SDK1: variants seen among roughly 807,000 people sequenced by gnomAD.
The protein encoded by SDK1 is sidekick cell adhesion molecule 1.
SDK1 carries 157 observed loss-of-function variants against 245.5 expected under a neutral mutation model. The ratio of observed to expected loss-of-function variants is 0.64; its 90% CI spans 0.56 to 0.73. The LOEUF is 0.73. SDK1 is among the 30% of genes least tolerant of loss of function. SDK1 has a pLI of 0.00. For missense variants in SDK1, 3,583 were observed against 3,002.3 expected (o/e 1.19, Z -4.52); for synonymous variants, 1,647 against 1,278.5 (o/e 1.29, Z -6.15).
intron 5 of SDK1, among the ~76,000 whole-genome samples, chr7:3,899,757 T>C (rs1313499643): frequency 6.6e-6 from 1 of 152,218 alleles, no homozygotes; most frequent in African/African-American, 2.4e-5. Flanking sequence ...CCAGATGTCC[T>C]TGCCCACCCT....
chr7:3,568,262 C>A (rs935425616), intron 1 of SDK1, among the ~76,000 whole-genome samples: 18 of 152,130 alleles, frequency 1.2e-4, no homozygotes, highest in African/African-American at 4.1e-4. Flanking sequence ...ACTTCATATG[C>A]ATTTAATTGT....
At chr7:3,604,188 T>G (rs1055098888) in intron 1 of SDK1, among the ~76,000 whole-genome samples, 5 of 152,190 alleles carry the variant, frequency 3.3e-5, no homozygotes, top group Admixed American at 6.5e-5. Context: ...CAGGATGATG[T>G]TGGCCTCATA....
At chr7:3,780,502 C>G (rs990930327) in intron 4 of SDK1, among the ~76,000 whole-genome samples, 1 of 152,178 alleles carries the variant, frequency 6.6e-6, no homozygotes, top group Non-Finnish European at 1.5e-5. Flanking sequence ...CTTCATAACC[C>G]ACATTTAAAG....
At chr7:3,971,694 A>G (rs1782500732) in intron 12 of SDK1, 126 bp downstream of exon 12, 5 of 729,088 alleles carry the variant, frequency 6.9e-6, no homozygotes, top group African/African-American at 5.2e-5. Flanking sequence ...TGATTACGGT[A>G]TCTTCTGGTT....
chr7:4,002,737 A>G (rs1785165439), intron 14 of SDK1, among the ~76,000 whole-genome samples: 1 of 152,232 alleles, frequency 6.6e-6, no homozygotes, highest in Admixed American at 6.5e-5. Flanking sequence ...TTTAAGGTGG[A>G]AAAAAATCTG....
chr7:4,241,364 G>T lies in SDK1; in HGVS notation c.6131-429G>T, dbSNP rs539723705. On this transcript the variant is annotated intron_variant, in intron 42 of 44. Coordinates refer to ENST00000404826, the MANE Select transcript of SDK1 (RefSeq NM_152744.4). ...GTGTATGCATTCTTGGCCAGGTGCA[G>T]TGGCTCACGCTTGCCATCCCAGCAC... Among the ~76,000 whole-genome samples the T allele has an allele frequency of 3.9e-5, 6 of 152,284 alleles. No individual in the cohort carries two copies. The East Asian group carries it at 9.7e-4, about 24-fold the overall frequency.
At chr7:4,060,902 C>T (rs1779496140) in intron 19 of SDK1, among the ~76,000 whole-genome samples, 2 of 151,620 alleles carry the variant, frequency 1.3e-5, no homozygotes, top group Non-Finnish European at 2.9e-5. Flanking sequence ...ATAGGGAATC[C>T]TTTACCCATT....
intron 4 of SDK1, among the ~76,000 whole-genome samples, chr7:3,662,354 T>C (rs1279124813): frequency 1.3e-5 from 2 of 152,152 alleles, no homozygotes; most frequent in African/African-American, 4.8e-5. Context: ...AGCATGAGCA[T>C]TTTTCACAGC....
chr7:3,443,145 A>G (rs1780245509), intron 1 of SDK1, among the ~76,000 whole-genome samples: 1 of 151,832 alleles, frequency 6.6e-6, no homozygotes, highest in South Asian at 2.1e-4. Context: ...AGTTCAAGAT[A>G]TTTTATGTTC....
At chr7:3,746,718 T>G (rs1376764135) in intron 4 of SDK1, among the ~76,000 whole-genome samples, 1 of 152,250 alleles carries the variant, frequency 6.6e-6, no homozygotes, top group Non-Finnish European at 1.5e-5. Context: ...CAGTCATGTC[T>G]TCAGACTCCA....
chr7:3,363,311 T>A (rs1396462938), intron 1 of SDK1, among the ~76,000 whole-genome samples: 1 of 151,100 alleles, frequency 6.6e-6, no homozygotes, highest in East Asian at 1.9e-4. Context: ...TCATTTCTTT[T>A]TTATTAAGTA....
intron 5 of SDK1, among the ~76,000 whole-genome samples, chr7:3,902,091 T>G (rs1206593641): frequency 6.6e-6 from 1 of 152,202 alleles, no homozygotes; most frequent in South Asian, 2.1e-4. Flanking sequence ...TTTGGTGCCT[T>G]TGAGTGCAAT....
intron 17 of SDK1, among the ~76,000 whole-genome samples, chr7:4,029,879 AAC>A (rs1322501654): frequency 1.3e-5 from 2 of 152,242 alleles, no homozygotes; most frequent in Non-Finnish European, 2.9e-5. Context: ...GGTTGGAATC[AAC>A]ACACTGAAAT....
chr7:3,991,321 T>C (rs1434960850), intron 14 of SDK1, among the ~76,000 whole-genome samples: 3 of 152,004 alleles, frequency 2.0e-5, no homozygotes, highest in South Asian at 4.2e-4. Flanking sequence ...TCTTCCTCCT[T>C]CTTGGTGGCT....
At chr7:3,991,600 AC>A (rs887192671) in intron 14 of SDK1, among the ~76,000 whole-genome samples, 1 of 152,134 alleles carries the variant, frequency 6.6e-6, no homozygotes, top group African/African-American at 2.4e-5. Context: ...TCAGAAGGGG[AC>A]AGAGAACGTC....
intron 1 of SDK1, among the ~76,000 whole-genome samples, chr7:3,389,764 C>A (rs1181470528): frequency 5.3e-5 from 8 of 149,762 alleles, no homozygotes; most frequent in Admixed American, 4.6e-4. Context: ...TAAACAAAAA[C>A]AAAAAACTAA....
At chr7:3,895,219 T>C (rs1781571784) in intron 5 of SDK1, among the ~76,000 whole-genome samples, 1 of 152,196 alleles carries the variant, frequency 6.6e-6, no homozygotes, top group African/African-American at 2.4e-5. Flanking sequence ...ATCACTGTAA[T>C]AAATCATTCT....
At chr7:3,583,136 T>C (rs1029398830) in intron 1 of SDK1, among the ~76,000 whole-genome samples, 2 of 152,180 alleles carry the variant, frequency 1.3e-5, no homozygotes, top group Admixed American at 6.5e-5. Context: ...TCTGCAGGCC[T>C]CCAGCTGGTT....
chr7:3,637,875 C>T (rs1437674600), intron 2 of SDK1, among the ~76,000 whole-genome samples: 1 of 152,246 alleles, frequency 6.6e-6, no homozygotes, highest in Non-Finnish European at 1.5e-5. Context: ...GAGAGACGCC[C>T]TGATGGCATT....
Sources: allele counts gnomAD v4.1 joint callset (sites outside exome capture counted in the v4.1 genomes callset), GRCh38; gene constraint gnomAD v4.1.1; transcripts MANE v1.5; gene names NCBI Gene and HGNC (gene_info 2026-07-23, HGNC 2026-07-21).